The following RCBTB1 variants were observed in gnomAD, a reference collection of about 807,000 sequenced individuals.
RCBTB1 encodes RCC1 and BTB domain containing protein 1.
Under a neutral mutation model 62.4 loss-of-function variants are expected in RCBTB1, and 46 were observed. The observed-to-expected ratio is 0.74, with a 90% CI of 0.58 to 0.94. RCBTB1 has a LOEUF of 0.94. Among genes scored for constraint, RCBTB1 ranks in the 40% least tolerant of loss-of-function variants. RCBTB1 has a pLI of 0.00. For missense variants in RCBTB1, 565 were observed against 654.9 expected (o/e 0.86, Z 1.50); for synonymous variants, 222 against 245.8 (o/e 0.90, Z 0.91).
At chr13:49,578,813 AGCC>A (rs1344667638) in intron 2 of RCBTB1, among the ~76,000 whole-genome samples, 4 of 152,362 alleles carry the variant, frequency 2.6e-5, no homozygotes, top group Non-Finnish European at 4.4e-5. Context: ...TGTTCTTCAT[AGCC>A]TTCTTCCTTT....
chr13:49,546,656 A>G (rs543037117), intron 9 of RCBTB1, among the ~76,000 whole-genome samples: 3 of 152,354 alleles, frequency 2.0e-5, no homozygotes, highest in Admixed American at 1.3e-4. Context: ...TCATCTAGGC[A>G]TTAGATTCTC....
At chr13:49,563,776 T>G (rs1249012068) in intron 4 of RCBTB1, among the ~76,000 whole-genome samples, 1 of 152,242 alleles carries the variant, frequency 6.6e-6, no homozygotes, top group Non-Finnish European at 1.5e-5. Flanking sequence ...CACATGATGA[T>G]GCTCAGATTT....
At chr13:49,539,445 A>T (rs909815537) in intron 12 of RCBTB1, 5 of 152,222 alleles carry the variant, frequency 3.3e-5, no homozygotes, top group African/African-American at 1.2e-4. Flanking sequence ...GCTAAAAGTG[A>T]GGAAGAAGTT....
chr13:49,567,822 G>A (rs904146083), intron 2 of RCBTB1, among the ~76,000 whole-genome samples: 17 of 152,160 alleles, frequency 1.1e-4, no homozygotes, highest in South Asian at 2.1e-4. Context: ...AGGATTAAAC[G>A]CCGTCAAATC....
chr13:49,552,549 C>T (rs1317165439), intron 6 of RCBTB1, among the ~76,000 whole-genome samples: 3 of 152,060 alleles, frequency 2.0e-5, no homozygotes, highest in Non-Finnish European at 4.4e-5. Context: ...TTGAGCCTCA[C>T]TAACAATTAT....
intron 11 of RCBTB1, among the ~76,000 whole-genome samples, chr13:49,541,363 C>A (rs1186161655): frequency 6.6e-6 from 1 of 151,948 alleles, no homozygotes; most frequent in Non-Finnish European, 1.5e-5. Flanking sequence ...GTACAGCAAA[C>A]CACCATGGCA....
chr13:49,564,727 T>C (rs963112421), intron 4 of RCBTB1, among the ~76,000 whole-genome samples: 1 of 150,038 alleles, frequency 6.7e-6, no homozygotes, highest in African/African-American at 2.5e-5. Flanking sequence ...CCATCTCTAC[T>C]AAAAATACAA....
At chr13:49,575,341 T>G (rs893885098) in intron 2 of RCBTB1, among the ~76,000 whole-genome samples, 1 of 152,042 alleles carries the variant, frequency 6.6e-6, no homozygotes, top group Non-Finnish European at 1.5e-5. Flanking sequence ...GAAAGCAGTT[T>G]GGAGATTTCT....
chr13:49,566,487 G>T, intron 4 of RCBTB1, 131 bp downstream of exon 4: 1 of 866,132 alleles, frequency 1.2e-6, no homozygotes, highest in Non-Finnish European at 1.7e-6. Context: ...CCTGCTTTAT[G>T]TACTTCCTCT....
At chr13:49,574,640 T>C (rs564174073) in intron 2 of RCBTB1, among the ~76,000 whole-genome samples, 1 of 149,950 alleles carries the variant, frequency 6.7e-6, no homozygotes, top group East Asian at 2.0e-4. Context: ...ATGGTAGAAA[T>C]GTAAGATGAT....
In RCBTB1 at chr13:49,566,257, TAAAAAAA is replaced by T. The variant is rs1594324051; in HGVS notation, c.277+354_277+360del. Among the ~76,000 whole-genome samples, 4 of 130,944 alleles carry T rather than the reference TAAAAAAA, an allele frequency of 3.1e-5. No individual in the cohort carries two copies. The South Asian group carries it at 1.1e-3, about 35-fold the overall frequency. The allele number at this position is 130,944 out of a possible 152,430, so 85.9% of individuals were successfully genotyped here. ...GCGAGAAACACCCAAGAATGATCAATAAAAAAATAAAATAAAATAAATAAATAAATAA... is the reference window on the plus strand; with the variant it reads ...GCGAGAAACACCCAAGAATGATCAATTAAAATAAAATAAATAAATAAATAA... On this transcript the variant is annotated intron_variant, in intron 4 of 12. Coordinates refer to ENST00000378302, the MANE Select transcript of RCBTB1 (RefSeq NM_018191.4).
rs984546835 is a variant in RCBTB1 at position 49,547,139 on chromosome 13, A to T, written c.1046-2276T>A. On this transcript the variant is annotated intron_variant, in intron 9 of 12. Transcript: ENST00000378302. ...CAATTCTGGCCAAATAGTCCCATTC[A>T]GTGAACCAATTATTTTCCAATCACA... is the stretch of plus-strand genomic sequence containing the variant. 3.5e-5 allele frequency: 45 copies of T among 1,278,598 alleles called. No individual in the cohort carries two copies. In the African/African-American group the frequency reaches 6.5e-4, roughly 18 times the overall value. The allele number at this position is 1,278,598 out of a possible 1,614,324, so 79.2% of individuals were successfully genotyped here. A position where few individuals can be genotyped will look rare whatever the true frequency, so the allele number is the denominator to read the frequency against.
rs545454699 is a variant in RCBTB1 at position 49,535,852 on chromosome 13, G to A, written c.1456-1590C>T. 4.6e-5 allele frequency among the ~76,000 whole-genome samples: 7 copies of A among 151,974 alleles called. No homozygotes were observed. The East Asian group carries it at 7.7e-4, about 17-fold the overall frequency. On this transcript the variant is annotated intron_variant, in intron 12 of 12. Transcript: ENST00000378302. ...AGCTTGACCAACATGGTGAAACCCC[G>A]TCTCTACTAAAAATACAAAAATTAG...
intron 10 of RCBTB1, among the ~76,000 whole-genome samples, chr13:49,544,139 T>A (rs1302283082): frequency 1.3e-5 from 2 of 152,244 alleles, no homozygotes; most frequent in Non-Finnish European, 2.9e-5. Flanking sequence ...AAATAAATTT[T>A]CTGATGGAAA....
chr13:49,555,158 T>A (rs1461283770), intron 6 of RCBTB1, among the ~76,000 whole-genome samples: 1 of 152,232 alleles, frequency 6.6e-6, no homozygotes, highest in Non-Finnish European at 1.5e-5. Flanking sequence ...CATCAGTTAA[T>A]TTTAAAATGT....
chr13:49,583,316 G>T (rs1330030054), intron 1 of RCBTB1, among the ~76,000 whole-genome samples: 1 of 152,104 alleles, frequency 6.6e-6, no homozygotes, highest in African/African-American at 2.4e-5. Context: ...GAGACCGTAA[G>T]TCTTTAGAGG....
At chr13:49,581,885 T>C (rs1027599306) in intron 1 of RCBTB1, among the ~76,000 whole-genome samples, 1 of 152,104 alleles carries the variant, frequency 6.6e-6, no homozygotes, top group East Asian at 1.9e-4. Context: ...TTCACTGAGG[T>C]TGTGGGTGGA....
intron 4 of RCBTB1, 125 bp downstream of exon 4, chr13:49,566,493 C>T (rs901662153): frequency 2.1e-5 from 19 of 914,526 alleles, no homozygotes; most frequent in Non-Finnish European, 2.8e-5. Context: ...TTATGTACTT[C>T]CTCTCAGAAA....
intron 6 of RCBTB1, among the ~76,000 whole-genome samples, chr13:49,554,843 G>A (rs900974812): frequency 6.6e-6 from 1 of 152,200 alleles, no homozygotes; most frequent in Non-Finnish European, 1.5e-5. Context: ...AAAGGTTGGG[G>A]ACCACTGCCC....
Sources: allele counts gnomAD v4.1 joint callset (sites outside exome capture counted in the v4.1 genomes callset), GRCh38; gene constraint gnomAD v4.1.1; transcripts MANE v1.5; gene names NCBI Gene and HGNC (gene_info 2026-07-23, HGNC 2026-07-21).